Variants in GALNT13 observed in about 807,000 individuals in gnomAD.
GALNT13 encodes UDP-GalNAc:polypeptide N-acetylgalactosaminyltransferase 13.
GALNT13 carries 28 observed loss-of-function variants against 64.2 expected under a neutral mutation model. That is an observed-to-expected ratio of 0.44 (90% confidence interval 0.32 to 0.60). GALNT13 has a LOEUF of 0.60. Among genes scored for constraint, GALNT13 ranks in the 20% least tolerant of loss-of-function variants. The pLI is 0.05. For synonymous variants in GALNT13, 214 were observed against 224.6 expected, an observed-to-expected ratio of 0.95 and a Z score of 0.42; for missense variants, 577 against 669.8, an observed-to-expected ratio of 0.86 and a Z score of 1.53.
intron 4 of GALNT13, among the ~76,000 whole-genome samples, chr2:154,234,266 ATAT>A (rs1039526389): frequency 6.6e-6 from 1 of 152,212 alleles, no homozygotes; most frequent in African/African-American, 2.4e-5. Flanking sequence ...CTTATCTATA[ATAT>A]TCTGTACAGT....
At chr2:153,428,999 A>T in the GALNT13 span, among the ~76,000 whole-genome samples, 11,637 of 152,198 alleles carry the variant, frequency 0.076, 562 homozygotes, top group East Asian at 0.2. Flanking sequence ...TTTATGTGCA[A>T]TTCTTTTTAA....
At chr2:154,013,575 T>G (rs1293631432) in intron 3 of GALNT13, among the ~76,000 whole-genome samples, 1 of 152,118 alleles carries the variant, frequency 6.6e-6, no homozygotes, top group Non-Finnish European at 1.5e-5. Flanking sequence ...CGGTGTACAC[T>G]GTGCTCACTT....
chr2:153,734,019 A>T, the GALNT13 span, among the ~76,000 whole-genome samples: 1 of 152,184 alleles, frequency 6.6e-6, no homozygotes, highest in South Asian at 2.1e-4. Flanking sequence ...TCTTAGAAAC[A>T]TTGGTACAGT....
chr2:153,562,060 C>CTCTCTGTG, the GALNT13 span, among the ~76,000 whole-genome samples: 300 of 118,942 alleles, frequency 2.5e-3, 1 homozygote, highest in African/African-American at 4.3e-3. Flanking sequence ...CTCTCTCTCT[C>CTCTCTGTG]TGTGTGTGTG....
At chr2:153,803,750 C>T in the GALNT13 span, among the ~76,000 whole-genome samples, 3 of 150,550 alleles carry the variant, frequency 2.0e-5, no homozygotes, top group African/African-American at 7.3e-5. Flanking sequence ...AGAGATTGAT[C>T]TCTCTCTCCA....
At chr2:153,768,972 T>C in the GALNT13 span, among the ~76,000 whole-genome samples, 1 of 152,228 alleles carries the variant, frequency 6.6e-6, no homozygotes, top group Non-Finnish European at 1.5e-5. Context: ...ATTTTTTTAC[T>C]TTGAATCTGT....
At chr2:153,867,218 G>A (rs1685782520), upstream of GALNT13, among the ~76,000 whole-genome samples, 1 of 152,074 alleles carries the variant, frequency 6.6e-6, no homozygotes, top group Non-Finnish European at 1.5e-5. Flanking sequence ...ACCCACAATG[G>A]GCTATACTTT....
At chr2:154,179,263 A>G (rs1685825727) in intron 4 of GALNT13, among the ~76,000 whole-genome samples, 1 of 152,178 alleles carries the variant, frequency 6.6e-6, no homozygotes, top group Non-Finnish European at 1.5e-5. Flanking sequence ...TAGAGAATAC[A>G]TCAGAGACTA....
At chr2:154,141,401 A>G (rs189567399) in intron 4 of GALNT13, among the ~76,000 whole-genome samples, 20 of 152,242 alleles carry the variant, frequency 1.3e-4, no homozygotes, top group African/African-American at 4.6e-4. Context: ...CAAGCATACT[A>G]TACAGCTGTA....
At chr2:153,920,657 C>G (rs1224618652) in intron 2 of GALNT13, among the ~76,000 whole-genome samples, 1 of 152,118 alleles carries the variant, frequency 6.6e-6, no homozygotes, top group Non-Finnish European at 1.5e-5. Flanking sequence ...TAAAGAACTT[C>G]TGCAAACCAA....
chr2:153,784,602 A>T, the GALNT13 span, among the ~76,000 whole-genome samples: 27 of 152,192 alleles, frequency 1.8e-4, no homozygotes, highest in Non-Finnish European at 1.6e-4. Flanking sequence ...CCACTCAGGC[A>T]CTCCCAGAGC....
chr2:153,268,714 T>C, the GALNT13 span, among the ~76,000 whole-genome samples: 1 of 152,252 alleles, frequency 6.6e-6, no homozygotes, highest in Admixed American at 6.5e-5. Context: ...TTCAGGTGTT[T>C]CCATACATCC....
the GALNT13 span, among the ~76,000 whole-genome samples, chr2:153,347,218 C>T: frequency 6.6e-6 from 1 of 152,136 alleles, no homozygotes; most frequent in African/African-American, 2.4e-5. Flanking sequence ...TCTCCAGGGG[C>T]AGAAGATAGC....
chr2:153,820,137 A>C, the GALNT13 span, among the ~76,000 whole-genome samples: 1 of 152,256 alleles, frequency 6.6e-6, no homozygotes, highest in Non-Finnish European at 1.5e-5. Flanking sequence ...TAAGCAGAAG[A>C]AGCAATTTCA....
At chr2:153,288,406 AAATTTAAAATTCTGGAAATAAAC>A in the GALNT13 span, among the ~76,000 whole-genome samples, 1 of 152,210 alleles carries the variant, frequency 6.6e-6, no homozygotes, top group African/African-American at 2.4e-5. Flanking sequence ...GTCTGAAAAT[AAATTTAAAATTCTGGAAATAAAC>A]AATTTATAAG....
the GALNT13 span, among the ~76,000 whole-genome samples, chr2:153,729,022 G>A: frequency 2.4e-4 from 36 of 152,216 alleles, 1 homozygote; most frequent in African/African-American, 7.5e-4. Context: ...AAAAAGCCCA[G>A]GACCAGACAG....
Position 153,913,562 on chromosome 2 carries a change from T to C in GALNT13, c.-105+12555T>C, listed in dbSNP as rs577671512. 1.4e-4 allele frequency among the ~76,000 whole-genome samples: 22 copies of C among 152,102 alleles called. No individual in the cohort carries two copies. In the South Asian group the frequency reaches 4.4e-3, roughly 30 times the overall value. ...CCTCTGGGCTCTGCATTGGCTGGAG[T>C]TCTGGCTCTAACACTTTTCTAAGTT... is the stretch of plus-strand genomic sequence containing the variant. On this transcript the variant is annotated intron_variant, in intron 2 of 12. Transcript: ENST00000392825.
chr2:153,605,306 T>G, the GALNT13 span, among the ~76,000 whole-genome samples: 1 of 152,244 alleles, frequency 6.6e-6, no homozygotes, highest in Non-Finnish European at 1.5e-5. Context: ...TTAAACTTGC[T>G]CTTGCTAAGC....
At chr2:154,360,548 A>T (rs1697007219) in intron 9 of GALNT13, among the ~76,000 whole-genome samples, 1 of 152,180 alleles carries the variant, frequency 6.6e-6, no homozygotes, top group African/African-American at 2.4e-5. Context: ...AACATTCCCA[A>T]ATAAGAGTAT....
Sources: gnomAD v4.1 joint callset for allele counts (sites outside exome capture counted in the v4.1 genomes callset) on GRCh38, gnomAD v4.1.1 for gene constraint, MANE v1.5 for transcripts, NCBI Gene and HGNC (gene_info 2026-07-23, HGNC 2026-07-21) for gene names.